The following SLC6A7 variants were observed in gnomAD, a reference collection of about 807,000 sequenced individuals.
The protein encoded by SLC6A7 is sodium-dependent proline transporter.
SLC6A7 carries 58 observed loss-of-function variants against 73.1 expected under a neutral mutation model. The observed-to-expected ratio is 0.79, with a 90% CI of 0.64 to 0.99. The LOEUF (loss-of-function observed/expected upper bound fraction) is 0.99, where lower values mean the gene tolerates loss of function less well. Among genes scored for constraint, SLC6A7 ranks in the 50% least tolerant of loss-of-function variants. The probability of loss-of-function intolerance (pLI) is 0.00; values close to 1 mark genes in which losing one functional copy is unlikely to be tolerated. For synonymous variants in SLC6A7, 338 were observed against 338.7 expected (o/e 1.00, Z 0.02); for missense variants, 783 against 831.4 (o/e 0.94, Z 0.72).
At chr5:150,202,176 T>C (rs540879003) in intron 6 of SLC6A7, among the ~76,000 whole-genome samples, 171 bp from the exon 7 acceptor site, 1 of 152,242 alleles carries the variant, frequency 6.6e-6, no homozygotes, top group South Asian at 2.1e-4. Flanking sequence ...ACCGTGTAAA[T>C]GTTGGGGGAG....
Position 150,198,115 on chromosome 5 carries a change from G to GAAAGAAAGAAGGAAAGAAAA in SLC6A7, c.584+840_584+841insAAGAAAGAAGGAAAGAAAAA, listed in dbSNP as rs1224170798. On this transcript the variant is annotated intron_variant, in intron 4 of 13. Coordinates refer to ENST00000230671, the MANE Select transcript of SLC6A7 (RefSeq NM_014228.5). ...AGAAAGAAAGAAAGAAAGAAAGAAA[G>GAAAGAAAGAAGGAAAGAAAA]AGAAAGAAAGAAAGAAAGAAAGAAA... is the stretch of plus-strand genomic sequence containing the variant. Among the ~76,000 whole-genome samples the GAAAGAAAGAAGGAAAGAAAA allele has an allele frequency of 1.8e-3, 141 of 77,614 alleles. 3 individuals are homozygous for GAAAGAAAGAAGGAAAGAAAA. Among genetic ancestry groups the GAAAGAAAGAAGGAAAGAAAA allele is most frequent in the African/African-American group, 4.8e-3 (120 of 24,788 alleles). The allele number at this position is 77,614 out of a possible 152,430, so 50.9% of individuals were successfully genotyped here.
Position 150,205,517 on chromosome 5 carries a change from C to T in SLC6A7, c.1595C>T (p.Pro532Leu), listed in dbSNP as rs754940349. The change falls in exon 13 of 14, where the codon CCG becomes CTG. Residue 532 changes from proline (P) to leucine (L), a missense_variant. Coordinates refer to ENST00000230671, the MANE Select transcript of SLC6A7 (RefSeq NM_014228.5). ...TCGGAGTATGGCAGTTACCGCTTCCCGCCCTGGGCTGAGCTGCTGGGCATC... is the reference window on the plus strand; with the variant it reads ...TCGGAGTATGGCAGTTACCGCTTCCTGCCCTGGGCTGAGCTGCTGGGCATC... ...QPSEYGSYRFPPWAELLGILM... is the reference protein window; with the variant it reads ...QPSEYGSYRFLPWAELLGILM... 43 of 1,613,460 alleles carry T rather than the reference C, an allele frequency of 2.7e-5. 2 individuals carry two copies. In the South Asian group the frequency reaches 3.2e-4, roughly 12 times the overall value.
intron 2 of SLC6A7, among the ~76,000 whole-genome samples, chr5:150,195,590 G>A (rs1752980426): frequency 6.6e-6 from 1 of 152,214 alleles, no homozygotes; most frequent in South Asian, 2.1e-4. Flanking sequence ...GAAGACACCA[G>A]CGTCCTTGCC....
At chr5:150,203,820 G>GGTGTGTGT (rs35380195) in intron 9 of SLC6A7, 41 bp downstream of exon 9, 37,098 of 796,566 alleles carry the variant, frequency 0.047, 760 homozygotes, top group African/African-American at 0.12. Context: ...GTGTGTGTGT[G>GGTGTGTGT]GTGTGTGTGT....
intron 12 of SLC6A7, among the ~76,000 whole-genome samples, 160 bp downstream of exon 12, chr5:150,205,087 C>T (rs1753617449): frequency 6.6e-6 from 1 of 152,232 alleles, no homozygotes; most frequent in Non-Finnish European, 1.5e-5. Context: ...ATGTTCCCAG[C>T]TTCTGTAGCT....
rs1436187438 is a variant in SLC6A7, at chr5:150,204,905, TC to T, written c.1513del (p.Leu505CysfsTer37). On this transcript the variant is annotated frameshift_variant, in exon 12 of 14. Transcript: ENST00000230671. LOFTEE classifies it high-confidence loss of function. ...CTCTACTTCAGGGCCTGCTGGCTGTTCCTGTCCCCAGCCACGCTCTTGGTAA... is the reference window on the plus strand; with the variant it reads ...CTCTACTTCAGGGCCTGCTGGCTGTTCTGTCCCCAGCCACGCTCTTGGTAA... ...PGLYFRACWLFLSPATLLALM... is the reference protein window; with the variant it reads ...PGLYFRACWLXLSPATLLALM... The T allele has an allele frequency of 1.2e-5, 13 of 1,066,320 alleles. No homozygotes were observed. Among genetic ancestry groups the T allele is most frequent in the Admixed American group, 1.9e-5 (1 of 52,806 alleles). The allele number at this position is 1,066,320 out of a possible 1,614,324, so 66.1% of individuals were successfully genotyped here. A position where few individuals can be genotyped will look rare whatever the true frequency, so the allele number is the denominator to read the frequency against.
intron 2 of SLC6A7, 126 bp downstream of exon 2, chr5:150,195,037 G>C: frequency 1.3e-6 from 1 of 758,886 alleles, no homozygotes; most frequent in Non-Finnish European, 2.2e-6. Flanking sequence ...CATTGAAAGT[G>C]GTTTATAGTA....
At position 150,191,227 on chromosome 5, in the gene SLC6A7, G is replaced by C. The variant is rs150457459; in HGVS notation, c.33+867G>C. The stretch of plus-strand genomic sequence containing the variant: ...GCCCTAGCCTGGAGGCACCAAAACA[G>C]GCCCCACTGGGTGTGTGAGGTGTGG... On this transcript the variant is annotated intron_variant, in intron 1 of 13. Coordinates refer to ENST00000230671, the MANE Select transcript of SLC6A7 (RefSeq NM_014228.5). Among the ~76,000 whole-genome samples the C allele has an allele frequency of 4.2e-3, 640 of 152,284 alleles. 2 individuals carry two copies. The highest frequency in any genetic ancestry group is 0.01 in the South Asian group (49 of 4,824).
chr5:150,190,179 G>T lies in SLC6A7; in HGVS notation c.-149G>T. The T allele has an allele frequency of 3.4e-6, 2 of 579,890 alleles. No individual in the cohort carries two copies. The highest frequency in any genetic ancestry group is 5.7e-6 in the Non-Finnish European group (2 of 353,974). The allele number at this position is 579,890 out of a possible 1,614,324, so 35.9% of individuals were successfully genotyped here. On this transcript the variant is annotated 5_prime_UTR_variant, in exon 1 of 14. Transcript: ENST00000230671. ...GCCCTGCCCGCGCTCCACGCCCGCA[G>T]CCGCCAGACGGCAGCGCCTGCGTCC...
rs1752719033 is a variant in SLC6A7, at chr5:150,190,373, GGCGGGGGC to G, written c.33+16_33+23del. The G allele has an allele frequency of 6.7e-7, 1 of 1,485,166 alleles. No homozygotes were observed. Among genetic ancestry groups the G allele is most frequent in the African/African-American group, 1.5e-5 (1 of 68,004 alleles). The allele number at this position is 1,485,166 out of a possible 1,614,324, so 92.0% of individuals were successfully genotyped here. On this transcript the variant is annotated intron_variant, in intron 1 of 13. Coordinates refer to ENST00000230671, the MANE Select transcript of SLC6A7 (RefSeq NM_014228.5). ...TCACCTCCGCAAGGTAGGGCACGAG[GGCGGGGGC>G]GCTGGGGGTGCACCTGGAGGAGGGT...
At position 150,201,238 on chromosome 5, in the gene SLC6A7, G is replaced by A. The variant is rs1465620022; in HGVS notation, c.858+15G>A. On this transcript the variant is annotated intron_variant, in intron 6 of 13. Transcript: ENST00000230671. ...TGTCTTCCAAGGTGAGCCCCTCAGGGCGGGGTGCAGAGGGAGGGGCCAGGC... is the reference window on the plus strand; with the variant it reads ...TGTCTTCCAAGGTGAGCCCCTCAGGACGGGGTGCAGAGGGAGGGGCCAGGC... 1 of 1,594,312 alleles carries A rather than the reference G, an allele frequency of 6.3e-7. No individual in the cohort carries two copies. Among genetic ancestry groups the A allele is most frequent in the Non-Finnish European group, 8.5e-7 (1 of 1,169,908 alleles).
At chr5:150,200,492 C>CA (rs1004635451) in intron 5 of SLC6A7, among the ~76,000 whole-genome samples, 24 of 151,206 alleles carry the variant, frequency 1.6e-4, no homozygotes, top group African/African-American at 4.4e-4. Flanking sequence ...GACTCCGTCT[C>CA]AAAAAAAAGA....
rs567801437 is a variant in SLC6A7 at position 150,205,244 on chromosome 5, A to T, written c.1534-212A>T. ...GGGGTGCCTCAGAAATGGCTTGTGC[A>T]GGCCTTGGTGTTGGGTCAGCTTCAA... On this transcript the variant is annotated intron_variant, in intron 12 of 13. Transcript: ENST00000230671. Among the ~76,000 whole-genome samples, 4 of 111,632 alleles carry T rather than the reference A, an allele frequency of 3.6e-5. No homozygotes were observed. In the East Asian group the frequency reaches 1.1e-3, roughly 30 times the overall value. 73.2% of individuals were successfully genotyped at this position (111,632 alleles called of 152,430 possible).
In SLC6A7 at chr5:150,196,750, C is replaced by G; in HGVS notation, c.252C>G (p.Ala84=). ...AFLVPYFLML[A]ICGIPLFFLE... ...TCGTGCCCTACTTCCTCATGCTGGC[C>G]ATCTGTGGCATCCCCCTCTTCTTCC... Residue 84 remains alanine, a synonymous_variant, in exon 3 of 14, where the codon GCC becomes GCG. Transcript: ENST00000230671. 6.2e-7 allele frequency: 1 copy of G among 1,614,098 alleles called. No homozygotes were observed. The highest frequency in any genetic ancestry group is 8.5e-7 in the Non-Finnish European group (1 of 1,179,966).
chr5:150,203,284 T>C (rs1753487403), intron 8 of SLC6A7, among the ~76,000 whole-genome samples: 1 of 152,160 alleles, frequency 6.6e-6, no homozygotes, highest in South Asian at 2.1e-4. Flanking sequence ...AAATAAGTCA[T>C]ATTGTGTGTG....
rs189019427 is a variant in SLC6A7, at chr5:150,209,744, C to A, written c.*129C>A. 10 of 763,850 alleles carry A rather than the reference C, an allele frequency of 1.3e-5. No individual in the cohort carries two copies. The highest frequency in any genetic ancestry group is 2.0e-5 in the Non-Finnish European group (9 of 453,574). 47.3% of individuals were successfully genotyped at this position (763,850 alleles called of 1,614,324 possible). A position where few individuals can be genotyped will look rare whatever the true frequency, so the allele number is the denominator to read the frequency against. On this transcript the variant is annotated 3_prime_UTR_variant, in exon 14 of 14. Coordinates refer to ENST00000230671, the MANE Select transcript of SLC6A7 (RefSeq NM_014228.5). ...GGGGGCCTGCCATAGGGATGCCAGTCCCCCAGTGGGGGTCCCTTCTGCAGC... is the reference window on the plus strand; with the variant it reads ...GGGGGCCTGCCATAGGGATGCCAGTACCCCAGTGGGGGTCCCTTCTGCAGC...
Position 150,190,209 on chromosome 5 carries a change from C to A in SLC6A7, c.-119C>A. 2 of 845,974 alleles carry A rather than the reference C, an allele frequency of 2.4e-6. No homozygotes were observed. The highest frequency in any genetic ancestry group is 3.5e-6 in the Non-Finnish European group (2 of 571,868). The allele number at this position is 845,974 out of a possible 1,614,324, so 52.4% of individuals were successfully genotyped here. A position where few individuals can be genotyped will look rare whatever the true frequency, so the allele number is the denominator to read the frequency against. ...CAGACGGCAGCGCCTGCGTCCGTGC[C>A]CGCCCCAGCCGGTGCGCGGGAGCCG... On this transcript the variant is annotated 5_prime_UTR_variant, in exon 1 of 14. Coordinates refer to ENST00000230671, the MANE Select transcript of SLC6A7 (RefSeq NM_014228.5).
chr5:150,194,158 G>C (rs957620964), intron 1 of SLC6A7, among the ~76,000 whole-genome samples: 2 of 152,124 alleles, frequency 1.3e-5, no homozygotes, highest in Non-Finnish European at 2.9e-5. Flanking sequence ...AGCCGGCCAC[G>C]GTGGCTCATG....
chr5:150,209,678 C>T lies in SLC6A7; in HGVS notation c.*63C>T, dbSNP rs1377059167. On this transcript the variant is annotated 3_prime_UTR_variant, in exon 14 of 14. Transcript: ENST00000230671. The stretch of plus-strand genomic sequence containing the variant: ...CTCACAGTCCCTTCTTAGAAGCCTG[C>T]AAAGGTCAGCTGTGCCCTCTGGGAT... 6.1e-6 allele frequency: 8 copies of T among 1,319,908 alleles called. No individual in the cohort carries two copies. In the Admixed American group the frequency reaches 1.6e-4, roughly 26 times the overall value. 81.8% of individuals were successfully genotyped at this position (1,319,908 alleles called of 1,614,324 possible). A position where few individuals can be genotyped will look rare whatever the true frequency, so the allele number is the denominator to read the frequency against.
Sources: gnomAD v4.1 joint callset for allele counts (sites outside exome capture counted in the v4.1 genomes callset) on GRCh38, gnomAD v4.1.1 for gene constraint, MANE v1.5 for transcripts, NCBI Gene and HGNC (gene_info 2026-07-23, HGNC 2026-07-21) for gene names.